The following JAKMIP1 variants were observed in gnomAD, a reference collection of about 807,000 sequenced individuals.
JAKMIP1 encodes janus kinase and microtubule interacting protein 1.
JAKMIP1 carries 33 observed loss-of-function variants against 113.0 expected under a neutral mutation model. The observed-to-expected ratio is 0.29, with a 90% CI of 0.22 to 0.39. The LOEUF (loss-of-function observed/expected upper bound fraction) is 0.39. Ranked by LOEUF, JAKMIP1 falls within the 10% of genes least tolerant of loss-of-function variation. The pLI is 1.00. For synonymous variants in JAKMIP1, 480 were observed against 459.9 expected (o/e 1.04, Z -0.56); for missense variants, 813 against 1,080.5 (o/e 0.75, Z 3.47).
rs969825062 is a variant in JAKMIP1 at position 6,108,987 on chromosome 4, C to T, written c.130-3020G>A. Among the ~76,000 whole-genome samples the T allele has an allele frequency of 3.3e-5, 5 of 152,202 alleles. No individual in the cohort carries two copies. Among genetic ancestry groups the T allele is most frequent in the African/African-American group, 7.2e-5 (3 of 41,448 alleles). ...TGAGAGGGCCTAGAAACAATGACAC[C>T]GCAGCAGTGATGGGCACGCCTGGTG... On this transcript the variant is annotated intron_variant, in intron 2 of 20. Transcript: ENST00000409021. The surrounding 1 kb of genome is among the most constrained non-coding windows in gnomAD (Gnocchi z 5.6).
chr4:6,170,844 C>T (rs139100853), intron 1 of JAKMIP1, among the ~76,000 whole-genome samples: 1 of 148,670 alleles, frequency 6.7e-6, no homozygotes, highest in Non-Finnish European at 1.5e-5. Flanking sequence ...ACCACCACCA[C>T]CATCCCCATC....
At chr4:6,169,474 A>G (rs185779116) in intron 1 of JAKMIP1, among the ~76,000 whole-genome samples, 233 of 152,292 alleles carry the variant, frequency 1.5e-3, no homozygotes, top group African/African-American at 4.3e-3. Context: ...ATCCTCCACT[A>G]GAGCTTTCAG....
intron 18 of JAKMIP1, among the ~76,000 whole-genome samples, chr4:6,037,181 A>G (rs1036305890): frequency 1.3e-4 from 17 of 134,414 alleles, no homozygotes; most frequent in South Asian, 4.9e-4. Flanking sequence ...GAGGCTAACC[A>G]GTAGCCCTCC....
chr4:6,100,506 C>A (rs924242637), intron 3 of JAKMIP1, among the ~76,000 whole-genome samples: 18 of 152,336 alleles, frequency 1.2e-4, no homozygotes, highest in Admixed American at 6.5e-4. Flanking sequence ...TTGGGCTTCT[C>A]CCATTCGTTG....
At chr4:6,062,033 G>A (rs1406763314) in intron 10 of JAKMIP1, among the ~76,000 whole-genome samples, 1 of 152,234 alleles carries the variant, frequency 6.6e-6, no homozygotes, top group Non-Finnish European at 1.5e-5. Context: ...ATCACTTAGT[G>A]TTAAATTCTG....
chr4:6,153,605 G>C lies in JAKMIP1; in HGVS notation c.-147-40608C>G, dbSNP rs1266199105. ...CCTCAGACAGCCCTGACAATCTGGA[G>C]AGAGAACGTTTTGTGGAAGGCCATC... On this transcript the variant is annotated intron_variant, in intron 1 of 20. Coordinates refer to ENST00000409021, the MANE Select transcript of JAKMIP1 (RefSeq NM_001099433.2). This position sits in a 1 kb window ranked among gnomAD's most constrained non-coding sequence, Gnocchi z 4.9. 1.3e-5 allele frequency among the ~76,000 whole-genome samples: 2 copies of C among 152,186 alleles called. No homozygotes were observed.
chr4:6,079,700 G>A (rs982449580), intron 7 of JAKMIP1, among the ~76,000 whole-genome samples: 6 of 152,026 alleles, frequency 3.9e-5, no homozygotes, highest in East Asian at 1.9e-4. Flanking sequence ...CCATATACAC[G>A]TCCAAAACTC....
intron 8 of JAKMIP1, among the ~76,000 whole-genome samples, chr4:6,075,183 A>G (rs574802284): frequency 9.0e-6 from 1 of 111,242 alleles, no homozygotes; most frequent in Admixed American, 8.3e-5. Context: ...CAAAAAGAAA[A>G]GGAAAAAAAG....
intron 19 of JAKMIP1, 124 bp from the exon 20 acceptor site, chr4:6,029,905 T>G (rs10461053): frequency 0.26 from 181,989 of 705,060 alleles, 26,607 homozygotes; most frequent in Non-Finnish European, 0.31. Context: ...GGCAGCCTGA[T>G]GAGCTCTGAT....
At chr4:6,052,870 T>C (rs752068696) in intron 13 of JAKMIP1, among the ~76,000 whole-genome samples, 14 of 152,152 alleles carry the variant, frequency 9.2e-5, no homozygotes, top group Non-Finnish European at 1.8e-4. Context: ...AATGCTCATG[T>C]CATGCTGAGC....
At chr4:6,149,743 C>T (rs545600568) in intron 1 of JAKMIP1, among the ~76,000 whole-genome samples, 1 of 152,152 alleles carries the variant, frequency 6.6e-6, no homozygotes, top group Non-Finnish European at 1.5e-5. Context: ...CTTGACCCCC[C>T]ACCAGCACAG....
rs1721335988 is a variant in JAKMIP1 at position 6,086,526 on chromosome 4, C to T, written c.625-897G>A. Reference sequence around the variant, plus strand: ...GTCCAGCCTTCCTATGGGGGAGTGTCAGAAAGGACACAGGCTCAACACAGT... The same window carrying T: ...GTCCAGCCTTCCTATGGGGGAGTGTTAGAAAGGACACAGGCTCAACACAGT... On this transcript the variant is annotated intron_variant, in intron 3 of 20. Coordinates refer to ENST00000409021, the MANE Select transcript of JAKMIP1 (RefSeq NM_001099433.2). This position sits in a 1 kb window ranked among gnomAD's most constrained non-coding sequence, Gnocchi z 4.1. Among the ~76,000 whole-genome samples the T allele has an allele frequency of 6.6e-6, 1 of 151,974 alleles. No individual in the cohort carries two copies. The highest frequency in any genetic ancestry group is 1.5e-5 in the Non-Finnish European group (1 of 68,004).
intron 5 of JAKMIP1, among the ~76,000 whole-genome samples, chr4:6,084,318 C>CA (rs34850390): frequency 0.049 from 5,977 of 122,996 alleles, 168 homozygotes; most frequent in Non-Finnish European, 0.071. Flanking sequence ...AACTTTATCT[C>CA]AAAAAAAAAA....
rs1407606390 is a variant in JAKMIP1, at chr4:6,193,251, G to A, written c.-148+7002C>T. The stretch of plus-strand genomic sequence containing the variant: ...CCTTTGGCCACAGGCTGAAGGCTGT[G>A]CTGTTGGATTCTGTACTTTTGAGGT... On this transcript the variant is annotated intron_variant, in intron 1 of 20. Coordinates refer to ENST00000409021, the MANE Select transcript of JAKMIP1 (RefSeq NM_001099433.2). This position sits in a 1 kb window ranked among gnomAD's most constrained non-coding sequence, Gnocchi z 6.4. 6.6e-6 allele frequency among the ~76,000 whole-genome samples: 1 copy of A among 152,170 alleles called. No individual in the cohort carries two copies. Among genetic ancestry groups the A allele is most frequent in the Non-Finnish European group, 1.5e-5 (1 of 68,032 alleles).
At chr4:6,056,292 C>T (rs932831000) in intron 12 of JAKMIP1, among the ~76,000 whole-genome samples, 1 of 138,670 alleles carries the variant, frequency 7.2e-6, no homozygotes, top group African/African-American at 2.7e-5. Context: ...CCCATTTCTG[C>T]AGGGGTCCCA....
intron 1 of JAKMIP1, among the ~76,000 whole-genome samples, chr4:6,175,092 C>G (rs1192200086): frequency 6.6e-6 from 1 of 152,172 alleles, no homozygotes; most frequent in East Asian, 1.9e-4. Context: ...AAGACCCCAC[C>G]TCACCTTCCC....
In JAKMIP1 at chr4:6,085,637, G is replaced by C. The variant is rs771214169; in HGVS notation, c.625-8C>G. On this transcript the variant is annotated splice_polypyrimidine_tract_variant and splice_region_variant and intron_variant, in intron 3 of 20. Transcript: ENST00000409021. Reference sequence around the variant, plus strand: ...CCCTTTGATCTCATCCATCTGAAAAGGAGAAAGAATAAGCAGTCAGCCCTA... The same window carrying C: ...CCCTTTGATCTCATCCATCTGAAAACGAGAAAGAATAAGCAGTCAGCCCTA... The C allele has an allele frequency of 2.5e-6, 4 of 1,613,444 alleles. No homozygotes were observed. Among genetic ancestry groups the C allele is most frequent in the Non-Finnish European group, 3.4e-6 (4 of 1,179,804 alleles).
intron 2 of JAKMIP1, among the ~76,000 whole-genome samples, chr4:6,110,188 A>T (rs1714688907): frequency 6.6e-6 from 1 of 152,182 alleles, no homozygotes; most frequent in Non-Finnish European, 1.5e-5. Context: ...TTGGAGATAG[A>T]TCCTAATGAG....
At chr4:6,056,107 C>A (rs1456902493) in intron 12 of JAKMIP1, among the ~76,000 whole-genome samples, 1 of 151,334 alleles carries the variant, frequency 6.6e-6, no homozygotes, top group Non-Finnish European at 1.5e-5. Context: ...GAGGTCGGGG[C>A]AGCCCTCCCC....
Sources: gnomAD v4.1 joint callset for allele counts (sites outside exome capture counted in the v4.1 genomes callset) on GRCh38, gnomAD v4.1.1 for gene constraint, Gnocchi (gnomAD v3.1) non-coding constraint, MANE v1.5 for transcripts, NCBI Gene and HGNC (gene_info 2026-07-23, HGNC 2026-07-21) for gene names.